ADGRG3: variants seen among roughly 807,000 people sequenced by gnomAD.
ADGRG3 encodes adhesion G protein-coupled receptor G3.
ADGRG3 carries 39 observed loss-of-function variants against 54.3 expected under a neutral mutation model. That is an observed-to-expected ratio of 0.72 (90% CI 0.56 to 0.94). ADGRG3 has a LOEUF of 0.94. Ranked by LOEUF, ADGRG3 falls within the 40% of genes least tolerant of loss-of-function variation. The pLI, the probability that ADGRG3 is intolerant of heterozygous loss-of-function variation, is 0.00. For synonymous variants in ADGRG3, 312 were observed against 290.0 expected (o/e 1.08, Z -0.77); for missense variants, 654 against 694.6 (o/e 0.94, Z 0.66).
Position 57,679,203 on chromosome 16 carries a change from C to A in ADGRG3, c.519C>A (p.Gly173=), listed in dbSNP as rs563543731. Residue 173 remains glycine, a synonymous_variant, in exon 5 of 12, where the codon GGC becomes GGA. Coordinates refer to ENST00000333493, the MANE Select transcript of ADGRG3 (RefSeq NM_170776.5). ...GCCCCCGGCTCGGCCTGGGAGATGGCAGCGGCGTGTTGAACAATCGCCTGG... is the reference window on the plus strand; with the variant it reads ...GCCCCCGGCTCGGCCTGGGAGATGGAAGCGGCGTGTTGAACAATCGCCTGG... ...FKGPRLGLGD[G]SGVLNNRLVG... is the part of the protein sequence containing the mutation. 71 of 1,613,842 alleles carry A rather than the reference C, an allele frequency of 4.4e-5. No homozygotes were observed. Among genetic ancestry groups the A allele is most frequent in the Non-Finnish European group, 6.0e-5 (71 of 1,179,924 alleles).
intron 1 of ADGRG3, among the ~76,000 whole-genome samples, chr16:57,672,294 G>C (rs1046420341): frequency 3.9e-5 from 6 of 152,158 alleles, no homozygotes; most frequent in Non-Finnish European, 8.8e-5. Flanking sequence ...GGGCAGCTGA[G>C]GCAGGAGGAT....
rs1284810104 is a variant in ADGRG3, at chr16:57,680,333, T to A, written c.736T>A (p.Cys246Ser). The change falls in exon 7 of 12, where the codon TGT becomes AGT. Residue 246 changes from cysteine to serine, a missense_variant. Physicochemically the swap from Cys to Ser is moderately radical, Grantham distance 112. Coordinates refer to ENST00000333493, the MANE Select transcript of ADGRG3 (RefSeq NM_170776.5). ...EVRPEGTVCC[C>S]DHLTFFALLL... is the part of the protein sequence containing the mutation. ...CAGACCTGAGGGGACCGTGTGCTGC[T>A]GTGACCACCTGACCTTTTTCGCCCT... 1 of 1,612,966 alleles carries A rather than the reference T, an allele frequency of 6.2e-7. No homozygotes were observed. The highest frequency in any genetic ancestry group is 1.1e-5 in the South Asian group (1 of 90,992).
At chr16:57,666,225 TG>T (rs1282128414), upstream of ADGRG3, among the ~76,000 whole-genome samples, 2 of 152,012 alleles carry the variant, frequency 1.3e-5, no homozygotes, top group South Asian at 4.2e-4. Flanking sequence ...TCTTCCAGAA[TG>T]GGGGGGAAAT....
chr16:57,685,781 G>T lies in ADGRG3; in HGVS notation c.1395G>T (p.Ala465=). The part of the protein sequence containing the change: ...WKIFTLSRAT[A]VKERGKNRKK... The stretch of plus-strand genomic sequence containing the variant: ...TCTTCACCCTGTCCCGTGCTACAGC[G>T]GTCAAGGAGCGGGGGAAGAACCGGA... Residue 465 remains alanine (A), a synonymous_variant, in exon 11 of 12, where the codon GCG becomes GCT. Transcript: ENST00000333493. The T allele has an allele frequency of 6.2e-7, 1 of 1,614,206 alleles. No individual in the cohort carries two copies.
intron 10 of ADGRG3, among the ~76,000 whole-genome samples, chr16:57,684,772 C>T (rs2048442084): frequency 6.6e-6 from 1 of 152,156 alleles, no homozygotes; most frequent in African/African-American, 2.4e-5. Context: ...CACATGGCAC[C>T]TTGAGGCAAA....
Position 57,688,468 on chromosome 16 carries a change from A to G in ADGRG3, c.*7A>G. The G allele has an allele frequency of 1.3e-6, 2 of 1,515,568 alleles. No homozygotes were observed. The highest frequency in any genetic ancestry group is 2.2e-5 in the South Asian group (2 of 89,122). The allele number at this position is 1,515,568 out of a possible 1,614,324, so 93.9% of individuals were successfully genotyped here. On this transcript the variant is annotated 3_prime_UTR_variant, in exon 12 of 12. Transcript: ENST00000333493. ...CTCCGCATCTCAAGAATAGGAAGGC[A>G]CGGCCCTGCAATATGGACTCAGCTC...
chr16:57,682,603 C>T lies in ADGRG3; in HGVS notation c.882-1329C>T, dbSNP rs933407601. Reference sequence around the variant, plus strand: ...CCAGGAGAAATTACCACCAGCTCCCCAGGGTGGGGCCTGGCATCTCAGGTG... The same window carrying T: ...CCAGGAGAAATTACCACCAGCTCCCTAGGGTGGGGCCTGGCATCTCAGGTG... On this transcript the variant is annotated intron_variant, in intron 8 of 11. Transcript: ENST00000333493. The T allele has an allele frequency of 8.1e-6, 8 of 985,354 alleles. No homozygotes were observed. The African/African-American group carries it at 1.4e-4, about 17-fold the overall frequency. 61.0% of individuals were successfully genotyped at this position (985,354 alleles called of 1,614,324 possible).
intron 8 of ADGRG3, chr16:57,682,413 A>C (rs1026562905): frequency 3.4e-6 from 3 of 885,660 alleles, no homozygotes. Context: ...CTGCAGCCCC[A>C]ACTAGGCCCA....
At chr16:57,682,155 G>A (rs1333571688) in intron 8 of ADGRG3, among the ~76,000 whole-genome samples, 1 of 152,262 alleles carries the variant, frequency 6.6e-6, no homozygotes, top group African/African-American at 2.4e-5. Context: ...AGAGGTGGGA[G>A]TGAGTGCAGG....
At chr16:57,682,576 C>T (rs1237678750) in intron 8 of ADGRG3, 7 of 985,306 alleles carry the variant, frequency 7.1e-6, no homozygotes, top group East Asian at 1.1e-4. Context: ...GGGCTTGGAG[C>T]GCCAGGAGAA....
Position 57,684,291 on chromosome 16 carries a change from G to A in ADGRG3, c.1162+79G>A, listed in dbSNP as rs1208803457. The A allele has an allele frequency of 5.7e-6, 9 of 1,573,468 alleles. No individual in the cohort carries two copies. In the African/African-American group the frequency reaches 1.2e-4, roughly 21 times the overall value. ...GAAATAGCCTTGGGGAGAGAGAGGA[G>A]GGGTTCCCAGAGCTGGAGGGATGGC... On this transcript the variant is annotated intron_variant, in intron 9 of 11. Transcript: ENST00000333493.
Position 57,673,416 on chromosome 16 carries a change from A to T in ADGRG3, c.154A>T (p.Thr52Ser). 6.2e-7 allele frequency: 1 copy of T among 1,612,730 alleles called. No individual in the cohort carries two copies. Among genetic ancestry groups the T allele is most frequent in the Non-Finnish European group, 8.5e-7 (1 of 1,178,764 alleles). ...FNLNDKALCF[T>S]KCRQSGSDSC... The stretch of plus-strand genomic sequence containing the variant: ...CTTGAATGACAAGGCTTTGTGCTTC[A>T]CCAAGTGCAGGCAGTCGGGCAGCGA... The change falls in exon 2 of 12, where the codon ACC becomes TCC. Residue 52 changes from threonine (T) to serine (S), a missense_variant. Thr to Ser is a moderately conservative substitution (Grantham distance 58). Coordinates refer to ENST00000333493, the MANE Select transcript of ADGRG3 (RefSeq NM_170776.5).
chr16:57,681,365 TGTGTGTGTGTGCGC>T (rs2048364827), intron 8 of ADGRG3, among the ~76,000 whole-genome samples: 1 of 117,516 alleles, frequency 8.5e-6, no homozygotes, highest in Non-Finnish European at 1.7e-5. Context: ...TGTGTGTGTG[TGTGTGTGTGTGCGC>T]GCGTGCGTGC....
intron 8 of ADGRG3, chr16:57,682,605 G>T: frequency 1.0e-6 from 1 of 985,490 alleles, no homozygotes; most frequent in Non-Finnish European, 1.2e-6. Flanking sequence ...CAGCTCCCCA[G>T]GGTGGGGCCT....
chr16:57,679,309 CCT>C lies in ADGRG3; in HGVS notation c.626_627del (p.Pro209GlnfsTer13), dbSNP rs770991311. 6.2e-7 allele frequency: 1 copy of C among 1,613,746 alleles called. No homozygotes were observed. Among genetic ancestry groups the C allele is most frequent in the Admixed American group, 1.7e-5 (1 of 60,024 alleles). On this transcript the variant is annotated frameshift_variant and splice_region_variant, in exon 5 of 12. Transcript: ENST00000333493. LOFTEE classifies it high-confidence loss of function. The stretch of plus-strand genomic sequence containing the variant: ...CGTCTTCTCTCACCAGCGACCGCCC[CCT>C]GTGAGTCCCCTGCTCAGGCCTGGCA... ...EIVFSHQRPP[P>X]NMTLTCVFWD...
At chr16:57,681,380 G>A (rs1394391431) in intron 8 of ADGRG3, among the ~76,000 whole-genome samples, 10 of 53,704 alleles carry the variant, frequency 1.9e-4, no homozygotes, top group Admixed American at 4.4e-4. Flanking sequence ...GTGTGTGCGC[G>A]CGTGCGTGCG....
intron 1 of ADGRG3, among the ~76,000 whole-genome samples, chr16:57,672,041 A>C (rs2048171166): frequency 6.6e-6 from 1 of 152,052 alleles, no homozygotes; most frequent in Non-Finnish European, 1.5e-5. Flanking sequence ...CTAGCCAGGC[A>C]TGGTGGCATG....
At position 57,679,357 on chromosome 16, in the gene ADGRG3, C is replaced by T. The variant is rs746378278; in HGVS notation, c.627+46C>T. 5.4e-5 allele frequency: 87 copies of T among 1,605,052 alleles called. 3 individuals are homozygous for T. In the South Asian group the frequency reaches 7.9e-4, roughly 15 times the overall value. On this transcript the variant is annotated intron_variant, in intron 5 of 11. Coordinates refer to ENST00000333493, the MANE Select transcript of ADGRG3 (RefSeq NM_170776.5). ...TGGCAGCCACTGCAGGGCAGACAGGCGAGTGGGCACACCTGGGCCCATGGG... is the reference window on the plus strand; with the variant it reads ...TGGCAGCCACTGCAGGGCAGACAGGTGAGTGGGCACACCTGGGCCCATGGG...
chr16:57,670,067 G>A (rs1432402185), intron 1 of ADGRG3, among the ~76,000 whole-genome samples: 3 of 152,164 alleles, frequency 2.0e-5, no homozygotes, highest in Non-Finnish European at 2.9e-5. Flanking sequence ...CTCACGGTGA[G>A]CCAGCAGGGG....
Sources: allele counts gnomAD v4.1 joint callset (sites outside exome capture counted in the v4.1 genomes callset), GRCh38; gene constraint gnomAD v4.1.1; transcripts MANE v1.5; gene names NCBI Gene and HGNC (gene_info 2026-07-23, HGNC 2026-07-21).